Variants in IMMP2L observed in about 807,000 individuals in gnomAD.
IMMP2L encodes the protein inner mitochondrial membrane peptidase subunit 2.
Under a neutral mutation model 19.3 loss-of-function variants are expected in IMMP2L, and 18 were observed. The ratio of observed to expected loss-of-function variants is 0.93; its 90% confidence interval spans 0.64 to 1.38. The LOEUF is 1.38. IMMP2L is among the 40% of genes most tolerant of loss of function. The probability of loss-of-function intolerance (pLI) is 0.00; values close to 1 mark genes in which losing one functional copy is unlikely to be tolerated. For synonymous variants in IMMP2L, 76 were observed against 73.0 expected (o/e 1.04, Z -0.21); for missense variants, 233 against 218.2 (o/e 1.07, Z -0.43).
intron 3 of IMMP2L, among the ~76,000 whole-genome samples, chr7:111,366,355 AAAG>A (rs1829762417): frequency 6.6e-6 from 1 of 151,690 alleles, no homozygotes; most frequent in African/African-American, 2.4e-5. Flanking sequence ...AAAAAAAAAA[AAAG>A]AAAGAGCAAG....
chr7:110,750,293 T>C lies in IMMP2L; in HGVS notation c.409-86572A>G, dbSNP rs541381369. On this transcript the variant is annotated intron_variant, in intron 5 of 5. Transcript: ENST00000405709. Reference sequence around the variant, plus strand: ...AATACAAAGCAAGGTCACTGCATTATAGAAAGACTCAGCACTCTGTTTATT... The same window carrying C: ...AATACAAAGCAAGGTCACTGCATTACAGAAAGACTCAGCACTCTGTTTATT... Among the ~76,000 whole-genome samples, 90 of 152,146 alleles carry C rather than the reference T, an allele frequency of 5.9e-4. 1 individual carries two copies. The South Asian group carries it at 0.018, about 30-fold the overall frequency.
chr7:110,907,858 G>T (rs918145227), intron 4 of IMMP2L, among the ~76,000 whole-genome samples: 5 of 152,050 alleles, frequency 3.3e-5, no homozygotes, highest in Admixed American at 6.6e-5. Flanking sequence ...GGCAATTGGT[G>T]GGGGGGAAAT....
chr7:111,520,637 A>G (rs1846242099), intron 2 of IMMP2L, among the ~76,000 whole-genome samples: 2 of 152,138 alleles, frequency 1.3e-5, no homozygotes, highest in African/African-American at 4.8e-5. Flanking sequence ...TGAACTTAAT[A>G]CATATTGATA....
intron 5 of IMMP2L, among the ~76,000 whole-genome samples, chr7:110,669,044 T>TGTGTGC (rs757459565): frequency 1.2e-4 from 10 of 80,566 alleles, no homozygotes; most frequent in African/African-American, 5.5e-4. Context: ...TGTGTGTGTG[T>TGTGTGC]GTGTGTGCGT....
At chr7:111,065,532 T>A (rs1215409683) in intron 3 of IMMP2L, among the ~76,000 whole-genome samples, 3 of 152,252 alleles carry the variant, frequency 2.0e-5, no homozygotes, top group South Asian at 2.1e-4. Context: ...GAGATTAACA[T>A]TTGGGTCAGT....
At chr7:110,834,406 G>A (rs1804247603) in intron 5 of IMMP2L, among the ~76,000 whole-genome samples, 1 of 151,820 alleles carries the variant, frequency 6.6e-6, no homozygotes, top group East Asian at 1.9e-4. Context: ...TATATATAGT[G>A]TATATGTAAC....
intron 3 of IMMP2L, among the ~76,000 whole-genome samples, chr7:111,192,956 T>G (rs1305715695): frequency 6.6e-6 from 1 of 151,952 alleles, no homozygotes; most frequent in African/African-American, 2.4e-5. Context: ...GAGGAGAGTT[T>G]GAGTTGGGCA....
rs1488905209 is a variant in IMMP2L at position 110,758,845 on chromosome 7, C to T, written c.409-95124G>A. ...TTAATGAGTTATATAAGTAAACCTC[C>T]CCAGGTGCCAAATCTCTCTGACATT... On this transcript the variant is annotated intron_variant, in intron 5 of 5. Coordinates refer to ENST00000405709, the MANE Select transcript of IMMP2L (RefSeq NM_032549.4). This position sits in a 1 kb window ranked among gnomAD's most constrained non-coding sequence, Gnocchi z 4.6. Among the ~76,000 whole-genome samples the T allele has an allele frequency of 6.6e-6, 1 of 151,948 alleles. No homozygotes were observed. Among genetic ancestry groups the T allele is most frequent in the East Asian group, 1.9e-4 (1 of 5,152 alleles).
chr7:110,951,431 C>A (rs1014536703), intron 4 of IMMP2L, among the ~76,000 whole-genome samples: 10 of 151,760 alleles, frequency 6.6e-5, no homozygotes, highest in Non-Finnish European at 1.5e-4. Context: ...CTAAAATAGG[C>A]AAGGCATTCT....
At chr7:111,418,629 T>C (rs1835172803) in intron 3 of IMMP2L, among the ~76,000 whole-genome samples, 1 of 151,842 alleles carries the variant, frequency 6.6e-6, no homozygotes, top group Admixed American at 6.6e-5. Flanking sequence ...AAGTTCTTAA[T>C]ACATTTACAG....
intron 3 of IMMP2L, among the ~76,000 whole-genome samples, chr7:111,471,881 A>G (rs1226294662): frequency 1.3e-5 from 2 of 152,116 alleles, no homozygotes; most frequent in Admixed American, 6.6e-5. Flanking sequence ...CATGACTTTA[A>G]GAAAATAAAG....
At chr7:111,094,140 C>T (rs750208053) in intron 3 of IMMP2L, among the ~76,000 whole-genome samples, 2 of 152,040 alleles carry the variant, frequency 1.3e-5, no homozygotes, top group East Asian at 1.9e-4. Context: ...CTCCTCCCCC[C>T]GAATCTGAAT....
intron 5 of IMMP2L, among the ~76,000 whole-genome samples, chr7:110,667,367 T>A (rs1301838361): frequency 1.3e-5 from 2 of 152,234 alleles, no homozygotes; most frequent in Non-Finnish European, 2.9e-5. Flanking sequence ...GTAGGCAGAA[T>A]GATGCCGCCC....
At chr7:111,480,651 A>G (rs1051673083) in intron 3 of IMMP2L, among the ~76,000 whole-genome samples, 5 of 150,844 alleles carry the variant, frequency 3.3e-5, no homozygotes, top group Non-Finnish European at 5.9e-5. Context: ...CATCCTCCCT[A>G]AAGAATCTTT....
chr7:111,147,086 A>G (rs965301572), intron 3 of IMMP2L, among the ~76,000 whole-genome samples: 2 of 152,060 alleles, frequency 1.3e-5, no homozygotes, highest in Non-Finnish European at 1.5e-5. Context: ...CCTTTTTCTT[A>G]GATGCTAATC....
intron 3 of IMMP2L, among the ~76,000 whole-genome samples, chr7:111,093,424 G>T (rs1797069899): frequency 6.6e-6 from 1 of 152,152 alleles, no homozygotes; most frequent in African/African-American, 2.4e-5. Flanking sequence ...AAGAGGAAAA[G>T]ACTTGAAGTA....
At chr7:111,381,467 C>T (rs958651039) in intron 3 of IMMP2L, among the ~76,000 whole-genome samples, 16 of 151,780 alleles carry the variant, frequency 1.1e-4, no homozygotes, top group Non-Finnish European at 1.8e-4. Context: ...TAATCAATAC[C>T]ACCTGTTTAT....
intron 3 of IMMP2L, among the ~76,000 whole-genome samples, chr7:111,288,640 A>C (rs981918191): frequency 2.0e-5 from 3 of 152,192 alleles, no homozygotes; most frequent in East Asian, 3.8e-4. Flanking sequence ...AAAAGAAGAC[A>C]TTTATGCAGC....
intron 3 of IMMP2L, among the ~76,000 whole-genome samples, chr7:111,446,147 C>G (rs1838378643): frequency 6.6e-6 from 1 of 152,164 alleles, no homozygotes; most frequent in African/African-American, 2.4e-5. Context: ...CCCGCCATTG[C>G]CCAGGCTTGC....
Sources: allele counts gnomAD v4.1 joint callset (sites outside exome capture counted in the v4.1 genomes callset), GRCh38; gene constraint gnomAD v4.1.1; non-coding constraint Gnocchi (gnomAD v3.1); transcripts MANE v1.5; gene names NCBI Gene and HGNC (gene_info 2026-07-23, HGNC 2026-07-21).